The following NELL1 variants were observed in gnomAD, a reference collection of about 807,000 sequenced individuals.
The protein encoded by NELL1 is neural EGFL like 1.
In NELL1, 76 loss-of-function variants were observed where a neutral mutation model predicts 107.4. The observed-to-expected ratio is 0.71, with a 90% CI of 0.59 to 0.86. The LOEUF (loss-of-function observed/expected upper bound fraction) is 0.86, where lower values mean the gene tolerates loss of function less well. Ranked by LOEUF, NELL1 falls within the 40% of genes least tolerant of loss-of-function variation. The pLI, the probability that NELL1 is intolerant of heterozygous loss-of-function variation, is 0.00. For synonymous variants in NELL1, 353 were observed against 341.2 expected, an observed-to-expected ratio of 1.03 and a Z score of -0.38; for missense variants, 1,024 against 1,005.5, an observed-to-expected ratio of 1.02 and a Z score of -0.25.
At chr11:21,476,252 A>G (rs1457707057) in intron 15 of NELL1, among the ~76,000 whole-genome samples, 1 of 152,092 alleles carries the variant, frequency 6.6e-6, no homozygotes, top group Non-Finnish European at 1.5e-5. Flanking sequence ...GGCCTTTCTC[A>G]TTGTCTTTCT....
At chr11:21,042,167 C>T (rs77501490) in intron 12 of NELL1, among the ~76,000 whole-genome samples, 4,331 of 152,012 alleles carry the variant, frequency 0.028, 103 homozygotes, top group Non-Finnish European at 0.044. Flanking sequence ...GTATTATAAA[C>T]GAAAAACAAA....
At chr11:21,474,999 G>A (rs952813339) in intron 15 of NELL1, among the ~76,000 whole-genome samples, 12 of 152,224 alleles carry the variant, frequency 7.9e-5, no homozygotes, top group Admixed American at 7.9e-4. Flanking sequence ...GAGACCCAGA[G>A]TGGAAAGGGA....
At chr11:21,073,180 A>G (rs543833019) in intron 12 of NELL1, among the ~76,000 whole-genome samples, 1 of 152,240 alleles carries the variant, frequency 6.6e-6, no homozygotes, top group East Asian at 1.9e-4. Flanking sequence ...GCAGATGACA[A>G]ACTTTCATCA....
At chr11:20,797,670 C>T (rs775988930) in intron 3 of NELL1, among the ~76,000 whole-genome samples, 13 of 150,282 alleles carry the variant, frequency 8.7e-5, no homozygotes, top group Admixed American at 3.3e-4. Context: ...AATGGTGGTG[C>T]CAATTGAGGG....
intron 14 of NELL1, chr11:21,260,005 A>G (rs1039306602): frequency 2.0e-5 from 3 of 151,972 alleles, no homozygotes; most frequent in African/African-American, 7.2e-5. Context: ...ATAGTTCTCA[A>G]TTCATTAAGT....
chr11:20,736,009 C>T (rs780295700), intron 2 of NELL1, among the ~76,000 whole-genome samples: 8 of 151,888 alleles, frequency 5.3e-5, no homozygotes, highest in Non-Finnish European at 1.2e-4. Context: ...ATTTTAGGAG[C>T]AGGGTAAGCT....
chr11:21,464,123 A>G lies in NELL1; in HGVS notation c.1646-70251A>G, dbSNP rs1463053259. Among the ~76,000 whole-genome samples the G allele has an allele frequency of 2.0e-5, 3 of 152,060 alleles. No homozygotes were observed. The East Asian group carries it at 5.8e-4, about 29-fold the overall frequency. On this transcript the variant is annotated intron_variant, in intron 15 of 19. Coordinates refer to ENST00000357134, the MANE Select transcript of NELL1 (RefSeq NM_006157.5). ...GGAAGCTGTGTGGCCTTTATGACCTAGCTTTGGAAATCAAATATACTCACT... is the reference window on the plus strand; with the variant it reads ...GGAAGCTGTGTGGCCTTTATGACCTGGCTTTGGAAATCAAATATACTCACT...
intron 3 of NELL1, among the ~76,000 whole-genome samples, chr11:20,792,223 A>G (rs1369839423): frequency 1.3e-5 from 2 of 151,864 alleles, no homozygotes; most frequent in African/African-American, 2.4e-5. Context: ...ATCCCCTTTG[A>G]CTTGTTAGGT....
At chr11:21,556,348 A>G (rs577919361) in intron 16 of NELL1, among the ~76,000 whole-genome samples, 8 of 152,140 alleles carry the variant, frequency 5.3e-5, no homozygotes, top group African/African-American at 1.9e-4. Flanking sequence ...AATATGGGGT[A>G]ATGAAAAAGT....
chr11:21,232,159 A>ATATAT lies in NELL1; in HGVS notation c.1549+2705_1549+2706insTATAT, dbSNP rs1270859097. Reference sequence around the variant, plus strand: ...TACTAAAAAAAAATAAAAAAAAAAAAATATATATATATATATATAAATTAG... The same window carrying ATATAT: ...TACTAAAAAAAAATAAAAAAAAAAAATATATATATATATATATATATATAAATTAG... On this transcript the variant is annotated intron_variant, in intron 14 of 19. Coordinates refer to ENST00000357134, the MANE Select transcript of NELL1 (RefSeq NM_006157.5). Among the ~76,000 whole-genome samples, 25 of 73,202 alleles carry ATATAT rather than the reference A, an allele frequency of 3.4e-4. 1 individual carries two copies. The highest frequency in any genetic ancestry group is 1.2e-3 in the African/African-American group (24 of 19,410). The allele number at this position is 73,202 out of a possible 152,430, so 48.0% of individuals were successfully genotyped here. A position where few individuals can be genotyped will look rare whatever the true frequency, so the allele number is the denominator to read the frequency against.
At chr11:20,757,849 A>C (rs1856332263) in intron 2 of NELL1, among the ~76,000 whole-genome samples, 2 of 152,206 alleles carry the variant, frequency 1.3e-5, no homozygotes, top group African/African-American at 4.8e-5. Context: ...ATGCTGTCTT[A>C]GTCAGCTTAG....
chr11:21,398,418 T>C (rs1169022720), intron 15 of NELL1, among the ~76,000 whole-genome samples: 1 of 151,744 alleles, frequency 6.6e-6, no homozygotes, highest in Non-Finnish European at 1.5e-5. Context: ...GATTCATAAA[T>C]GTGCATGAGT....
intron 13 of NELL1, among the ~76,000 whole-genome samples, chr11:21,158,010 G>T (rs571044352): frequency 6.6e-6 from 1 of 152,206 alleles, no homozygotes; most frequent in Non-Finnish European, 1.5e-5. Context: ...CTTCAGTCTG[G>T]GTGGGCACCA....
intron 14 of NELL1, among the ~76,000 whole-genome samples, chr11:21,370,349 T>C (rs1182656070): frequency 6.6e-6 from 1 of 152,130 alleles, no homozygotes; most frequent in Non-Finnish European, 1.5e-5. Flanking sequence ...AAACAGCTTA[T>C]ATATTCAAAT....
chr11:20,977,669 A>G lies in NELL1; in HGVS notation c.1300+17109A>G, dbSNP rs192854748. Among the ~76,000 whole-genome samples the G allele has an allele frequency of 2.4e-4, 37 of 152,372 alleles. No individual in the cohort carries two copies. The East Asian group carries it at 6.6e-3, about 27-fold the overall frequency. ...CTTAAGTGCATAAGACACTCTTATT[A>G]GCATGGAGAGCAGGCTCCAAGATGT... On this transcript the variant is annotated intron_variant, in intron 12 of 19. Transcript: ENST00000357134.
At chr11:20,939,363 G>A (rs1850799061) in intron 10 of NELL1, among the ~76,000 whole-genome samples, 1 of 151,616 alleles carries the variant, frequency 6.6e-6, no homozygotes, top group African/African-American at 2.4e-5. Flanking sequence ...GGCCAGACCA[G>A]GCTTGATACT....
chr11:21,481,035 C>T (rs1188198079), intron 15 of NELL1, among the ~76,000 whole-genome samples: 2 of 152,158 alleles, frequency 1.3e-5, no homozygotes, highest in African/African-American at 4.8e-5. Flanking sequence ...AAATGGAGGG[C>T]TTTACAATGC....
chr11:21,283,690 T>C (rs1045417255), intron 14 of NELL1: 1 of 161,388 alleles, frequency 6.2e-6, no homozygotes. Context: ...GCAAGAATCA[T>C]GGGTCCAGAA....
At chr11:20,686,964 G>C (rs1253059740) in intron 2 of NELL1, among the ~76,000 whole-genome samples, 2 of 149,366 alleles carry the variant, frequency 1.3e-5, no homozygotes, top group African/African-American at 4.9e-5. Context: ...GGTTAGAGTA[G>C]AGGGGTCCCT....
Sources: gnomAD v4.1 joint callset for allele counts (sites outside exome capture counted in the v4.1 genomes callset) on GRCh38, gnomAD v4.1.1 for gene constraint, MANE v1.5 for transcripts, NCBI Gene and HGNC (gene_info 2026-07-23, HGNC 2026-07-21) for gene names.